FAM20C: variants seen among roughly 807,000 people sequenced by gnomAD.
FAM20C encodes the protein extracellular serine/threonine protein kinase FAM20C.
In FAM20C, 40 loss-of-function variants were observed where a neutral mutation model predicts 51.5. The observed-to-expected ratio is 0.78, with a 90% CI of 0.60 to 1.01. The LOEUF is 1.01. FAM20C is among the 50% of genes least tolerant of loss of function. The probability of loss-of-function intolerance (pLI) is 0.00; values close to 1 mark genes in which losing one functional copy is unlikely to be tolerated. For missense variants in FAM20C, 861 were observed against 844.7 expected (o/e 1.02, Z -0.24); for synonymous variants, 406 against 380.6 (o/e 1.07, Z -0.78).
intron 3 of FAM20C, among the ~76,000 whole-genome samples, chr7:212,891 C>T (rs866394736): frequency 9.8e-5 from 15 of 152,302 alleles, no homozygotes; most frequent in African/African-American, 2.6e-4. Context: ...CGTTCATCAC[C>T]GCAGTTGATT....
intron 3 of FAM20C, among the ~76,000 whole-genome samples, chr7:212,616 T>C (rs28682484): frequency 0.43 from 64,601 of 150,548 alleles, 14,019 homozygotes; most frequent in South Asian, 0.56. Context: ...GGGCCGGCGG[T>C]GAGGTGGGGG....
intron 3 of FAM20C, among the ~76,000 whole-genome samples, chr7:212,646 A>G (rs1786776104): frequency 6.6e-6 from 1 of 151,542 alleles, no homozygotes; most frequent in South Asian, 2.1e-4. Context: ...GGTGCTGCAC[A>G]GCGTGTGGGG....
chr7:232,389 C>T (rs1433146851), intron 3 of FAM20C, among the ~76,000 whole-genome samples: 2 of 152,222 alleles, frequency 1.3e-5, no homozygotes, highest in Admixed American at 6.5e-5. Context: ...GCCGTCTCCT[C>T]CCTGGACAGA....
intron 2 of FAM20C, among the ~76,000 whole-genome samples, chr7:208,423 T>C (rs1029395934): frequency 2.4e-4 from 36 of 149,212 alleles, no homozygotes; most frequent in African/African-American, 8.3e-4. Context: ...TGTGTGTGGG[T>C]GTATACGTGT....
intron 4 of FAM20C, among the ~76,000 whole-genome samples, chr7:247,800 G>A (rs1172449714): frequency 1.3e-5 from 2 of 152,218 alleles, no homozygotes; most frequent in East Asian, 1.9e-4. Flanking sequence ...GGTGCTCCAC[G>A]CAGAGGCGTG....
chr7:227,643 T>A (rs891737313), intron 3 of FAM20C: 1 of 152,176 alleles, frequency 6.6e-6, no homozygotes, highest in Non-Finnish European at 1.5e-5. Flanking sequence ...CACCTGTGTT[T>A]TCAGGCTACC....
At position 195,662 on chromosome 7, in the gene FAM20C, G is replaced by A. The variant is rs780125740; in HGVS notation, c.714G>A (p.Leu238=). ...KFHIGINRYE[L]YSRHNPAIEA... ...ACATTGGTATCAACCGGTACGAGCTGTACTCCAGACACAACCCGGCCATCG... is the reference window on the plus strand; with the variant it reads ...ACATTGGTATCAACCGGTACGAGCTATACTCCAGACACAACCCGGCCATCG... The change falls in exon 2 of 10, where the codon CTG becomes CTA. Residue 238 remains leucine, a synonymous_variant. Coordinates refer to ENST00000313766, the MANE Select transcript of FAM20C (RefSeq NM_020223.4). The A allele has an allele frequency of 5.0e-6, 8 of 1,610,880 alleles. No homozygotes were observed. The Admixed American group carries it at 8.4e-5, about 17-fold the overall frequency.
intron 5 of FAM20C, among the ~76,000 whole-genome samples, chr7:250,645 G>A (rs1049873364): frequency 4.6e-5 from 7 of 152,104 alleles, no homozygotes; most frequent in African/African-American, 1.4e-4. Flanking sequence ...AGCTCCGGCC[G>A]CTGTCAGCCC....
intron 3 of FAM20C, among the ~76,000 whole-genome samples, chr7:245,700 C>T (rs1434781665): frequency 2.0e-5 from 3 of 152,234 alleles, no homozygotes; most frequent in Non-Finnish European, 4.4e-5. Context: ...TTGCGTGGAC[C>T]GGCACCTCAC....
chr7:229,589 T>G lies in FAM20C; in HGVS notation c.864-16826T>G, dbSNP rs1358840785. ...TGAGCAAGGTGCCAGGGGTTTTAAATAAGACGGCCGCGTTTTGCCAAACAC... is the reference window on the plus strand; with the variant it reads ...TGAGCAAGGTGCCAGGGGTTTTAAAGAAGACGGCCGCGTTTTGCCAAACAC... On this transcript the variant is annotated intron_variant, in intron 3 of 9. Coordinates refer to ENST00000313766, the MANE Select transcript of FAM20C (RefSeq NM_020223.4). 2.0e-5 allele frequency: 3 copies of G among 152,246 alleles called. No homozygotes were observed. The East Asian group carries it at 5.8e-4, about 29-fold the overall frequency. The allele number at this position is 152,246 out of a possible 1,614,324, so 9.4% of individuals were successfully genotyped here.
intron 2 of FAM20C, among the ~76,000 whole-genome samples, chr7:203,016 G>A (rs2115053953): frequency 6.6e-6 from 1 of 152,342 alleles, no homozygotes; most frequent in South Asian, 2.1e-4. Context: ...CAGGGGAGGG[G>A]CAGGTGTAGA....
In FAM20C at chr7:246,163, C is replaced by G. The variant is rs1359637792; in HGVS notation, c.864-252C>G. The G allele has an allele frequency of 1.7e-5, 8 of 464,006 alleles. No homozygotes were observed. The East Asian group carries it at 3.2e-4, about 18-fold the overall frequency. The allele number at this position is 464,006 out of a possible 1,614,324, so 28.7% of individuals were successfully genotyped here. A position where few individuals can be genotyped will look rare whatever the true frequency, so the allele number is the denominator to read the frequency against. On this transcript the variant is annotated intron_variant, in intron 3 of 9. Coordinates refer to ENST00000313766, the MANE Select transcript of FAM20C (RefSeq NM_020223.4). ...CTCCGTCGCAAGGGCCTGCGCTGCT[C>G]TGAGGGCCCGTCGGCAGCTGGGTCA...
chr7:212,968 T>C (rs932359525), intron 3 of FAM20C, among the ~76,000 whole-genome samples: 1 of 89,238 alleles, frequency 1.1e-5, no homozygotes, highest in East Asian at 4.2e-4. Flanking sequence ...TCAACCCCCT[T>C]GTCCGCCTCC....
At chr7:252,029 C>G (rs748968859) in intron 5 of FAM20C, among the ~76,000 whole-genome samples, 4 of 152,244 alleles carry the variant, frequency 2.6e-5, no homozygotes, top group African/African-American at 9.6e-5. Context: ...TTGACTTTCT[C>G]TCAAGCAGCA....
intron 2 of FAM20C, among the ~76,000 whole-genome samples, chr7:197,818 GGA>G (rs993365985): frequency 9.9e-5 from 15 of 152,208 alleles, no homozygotes; most frequent in Non-Finnish European, 2.9e-5. Flanking sequence ...GCAGCTTCAG[GGA>G]GAGTGTGGGG....
intron 3 of FAM20C, among the ~76,000 whole-genome samples, chr7:237,813 G>C (rs1787893829): frequency 6.6e-6 from 1 of 152,118 alleles, no homozygotes; most frequent in Non-Finnish European, 1.5e-5. Flanking sequence ...TGGAGGTGAT[G>C]ATCATGGTAG....
chr7:241,812 C>A (rs1787955608), intron 3 of FAM20C, among the ~76,000 whole-genome samples: 1 of 151,198 alleles, frequency 6.6e-6, no homozygotes, highest in Non-Finnish European at 1.5e-5. Flanking sequence ...TGTGAATGTG[C>A]ATCTGTGTGT....
At chr7:247,362 C>T (rs922080221) in intron 4 of FAM20C, among the ~76,000 whole-genome samples, 5 of 152,170 alleles carry the variant, frequency 3.3e-5, no homozygotes, top group Admixed American at 6.5e-5. Context: ...AGGGAGGAGG[C>T]GCCACCCTCA....
intron 3 of FAM20C, chr7:227,801 T>A (rs910976110): frequency 2.0e-5 from 3 of 152,488 alleles, no homozygotes; most frequent in Non-Finnish European, 4.4e-5. Flanking sequence ...TGAAATAAAG[T>A]CTAAACCATC....
Sources: gnomAD v4.1 joint callset for allele counts (sites outside exome capture counted in the v4.1 genomes callset) on GRCh38, gnomAD v4.1.1 for gene constraint, MANE v1.5 for transcripts, NCBI Gene and HGNC (gene_info 2026-07-23, HGNC 2026-07-21) for gene names.